The following COASY variants were observed in gnomAD, a reference collection of about 807,000 sequenced individuals.
COASY encodes the protein Coenzyme A synthase, also known as bifunctional coenzyme A synthase.
In COASY, 31 loss-of-function variants were observed where a neutral mutation model predicts 49.4. That is an observed-to-expected ratio of 0.63 (90% confidence interval 0.47 to 0.85). COASY has a LOEUF of 0.85. Among genes scored for constraint, COASY ranks in the 40% least tolerant of loss-of-function variants. COASY has a pLI of 0.00. For synonymous variants in COASY, 285 were observed against 310.9 expected, an observed-to-expected ratio of 0.92 and a Z score of 0.88; for missense variants, 730 against 734.1, an observed-to-expected ratio of 0.99 and a Z score of 0.06.
At chr17:42,565,883 C>T (rs1289888657) in intron 8 of COASY, 23 bp from the exon 9 acceptor site, 1 of 1,613,890 alleles carries the variant, frequency 6.2e-7, no homozygotes, top group Non-Finnish European at 8.5e-7. Flanking sequence ...TCTCTTCCTC[C>T]CAACATCCTG....
Position 42,562,939 on chromosome 17 carries a change from A to C in COASY, c.317A>C (p.Asn106Thr). ...FLPPLPTSVQ[N>T]LAHPPEVVLT... is the part of the protein sequence containing the mutation. The stretch of plus-strand genomic sequence containing the variant: ...CCTCCCCTGCCCACCTCAGTCCAGA[A>C]TCTCGCCCACCCGCCAGAAGTCGTG... The change falls in exon 1 of 9, where the codon AAT (asparagine) becomes ACT (threonine). Residue 106 changes from asparagine (N) to threonine (T), a missense_variant. Coordinates refer to ENST00000393818, the MANE Select transcript of COASY (RefSeq NM_025233.7). The C allele has an allele frequency of 6.2e-7, 1 of 1,613,624 alleles. No homozygotes were observed.
At chr17:42,564,411 C>T (rs748740886) in intron 2 of COASY, 35 bp from the exon 3 acceptor site, 2 of 1,613,756 alleles carry the variant, frequency 1.2e-6, no homozygotes, top group African/African-American at 1.3e-5. Flanking sequence ...CTCACTCCCT[C>T]CTTCCCTCTT....
intron 7 of COASY, 40 bp downstream of exon 7, chr17:42,565,608 C>G (rs1036598400): frequency 6.2e-7 from 1 of 1,613,926 alleles, no homozygotes; most frequent in Non-Finnish European, 8.5e-7. Flanking sequence ...TACTGCAGAT[C>G]CTATCCTGTG....
At position 42,565,654 on chromosome 17, in the gene COASY, C is replaced by G. The variant is rs74886553; in HGVS notation, c.1486-5C>G. 0.055 allele frequency: 89,489 copies of G among 1,614,024 alleles called. 2,875 individuals are homozygous for G. The highest frequency in any genetic ancestry group is 0.063 in the Non-Finnish European group (73,948 of 1,179,922). On this transcript the variant is annotated splice_polypyrimidine_tract_variant and splice_region_variant and intron_variant, in intron 7 of 8. Coordinates refer to ENST00000393818, the MANE Select transcript of COASY (RefSeq NM_025233.7). ...CTTCCTGACAAATGTCTCGTCTGTG[C>G]TCAGGCTGTAAGACGCATTGTGGAG... is the stretch of plus-strand genomic sequence containing the variant.
intron 3 of COASY, 28 bp from the exon 4 acceptor site, chr17:42,564,681 C>T: frequency 6.5e-7 from 1 of 1,528,160 alleles, no homozygotes; most frequent in Non-Finnish European, 8.8e-7. Flanking sequence ...GCCCCAGTAA[C>T]TGTGGGTTCC....
Position 42,565,244 on chromosome 17 carries a change from C to G in COASY, c.1320C>G (p.Leu440=), listed in dbSNP as rs762035640. The G allele has an allele frequency of 3.0e-5, 49 of 1,613,984 alleles. No homozygotes were observed. Among genetic ancestry groups the G allele is most frequent in the Non-Finnish European group, 4.0e-5 (47 of 1,180,020 alleles). The part of the protein sequence containing the change: ...VFGNKKQLKI[L]TDIMWPIIAK... ...CTCCCCAGAAGCAGCTGAAGATACT[C>G]ACGGACATTATGTGGCCAATTATCG... The change falls in exon 6 of 9, where the codon CTC becomes CTG. Residue 440 remains leucine, a synonymous_variant. Transcript: ENST00000393818.
chr17:42,566,123 C>T lies in COASY; in HGVS notation c.*155C>T, dbSNP rs778866431. The T allele has an allele frequency of 6.8e-6, 5 of 738,116 alleles. No individual in the cohort carries two copies. The highest frequency in any genetic ancestry group is 1.8e-5 in the African/African-American group (1 of 56,932). The allele number at this position is 738,116 out of a possible 1,614,324, so 45.7% of individuals were successfully genotyped here. On this transcript the variant is annotated 3_prime_UTR_variant, in exon 9 of 9. Coordinates refer to ENST00000393818, the MANE Select transcript of COASY (RefSeq NM_025233.7). ...AGGCCTGGTGGACACAGGAAGCCTACCCAACACGCTGGTATTTGGCCAACA... is the reference window on the plus strand; with the variant it reads ...AGGCCTGGTGGACACAGGAAGCCTATCCAACACGCTGGTATTTGGCCAACA...
Position 42,564,044 on chromosome 17 carries a change from T to C in COASY, c.784T>C (p.Leu262=). 2 of 1,614,176 alleles carry C rather than the reference T, an allele frequency of 1.2e-6. No homozygotes were observed. Among genetic ancestry groups the C allele is most frequent in the Non-Finnish European group, 1.7e-6 (2 of 1,180,024 alleles). ...ATTCCTGGTGGACATCAAGCCCTCC[T>C]TGACTTTTGATGTCATCCCCCTGCT... ...SEFLVDIKPS[L]TFDVIPLLDP... is the part of the protein sequence containing the mutation. Residue 262 remains leucine (L), a synonymous_variant, in exon 2 of 9, where the codon TTG becomes CTG. Transcript: ENST00000393818.
intron 5 of COASY, 78 bp from the exon 6 acceptor site, chr17:42,565,149 C>G (rs778763584): frequency 3.8e-6 from 6 of 1,587,378 alleles, no homozygotes; most frequent in Non-Finnish European, 5.2e-6. Flanking sequence ...TTCCATTGAT[C>G]TGTTCCCAAC....
At position 42,563,312 on chromosome 17, in the gene COASY, T is replaced by A; in HGVS notation, c.690T>A (p.Asp230Glu). The A allele has an allele frequency of 6.3e-7, 1 of 1,593,370 alleles. No individual in the cohort carries two copies. The highest frequency in any genetic ancestry group is 8.5e-7 in the Non-Finnish European group (1 of 1,172,744). ...TTGTGGTGGGAGTAGCAGACAAAGA[T>A]CTGTTGAAGAGTGAGTAAGAGGGAC... ...EQLVVGVADK[D>E]LLKSKLLPEL... The change falls in exon 1 of 9, where the codon GAT (aspartate) becomes GAA (glutamate). Residue 230 changes from aspartate (D) to glutamate (E), a missense_variant. Transcript: ENST00000393818.
chr17:42,565,107 G>A, intron 5 of COASY, 60 bp downstream of exon 5: 1 of 1,593,630 alleles, frequency 6.3e-7, no homozygotes, highest in Non-Finnish European at 8.6e-7. Flanking sequence ...TCAGGGTCCA[G>A]TGGACCTCTC....
Position 42,562,245 on chromosome 17 carries a change from T to A in COASY, c.-378T>A. On this transcript the variant is annotated 5_prime_UTR_variant, in exon 1 of 9. Transcript: ENST00000393818. ...GTGAGTAGGGGGCCGACGTGAGCTT[T>A]AGCGTCCCCCTTTAGCCTCCCTCTT... 1 of 593,588 alleles carries A rather than the reference T, an allele frequency of 1.7e-6. No individual in the cohort carries two copies. Among genetic ancestry groups the A allele is most frequent in the Non-Finnish European group, 2.9e-6 (1 of 339,010 alleles). The allele number at this position is 593,588 out of a possible 1,614,324, so 36.8% of individuals were successfully genotyped here.
Position 42,562,226 on chromosome 17 carries a change from A to T in COASY, c.-397A>T. The T allele has an allele frequency of 1.8e-6, 1 of 545,154 alleles. No homozygotes were observed. The highest frequency in any genetic ancestry group is 3.2e-5 in the East Asian group (1 of 31,362). 33.8% of individuals were successfully genotyped at this position (545,154 alleles called of 1,614,324 possible). A position where few individuals can be genotyped will look rare whatever the true frequency, so the allele number is the denominator to read the frequency against. The stretch of plus-strand genomic sequence containing the variant: ...CCCAAGCCTTGAGGTTTCAGTGAGT[A>T]GGGGGCCGACGTGAGCTTTAGCGTC... On this transcript the variant is annotated 5_prime_UTR_variant, in exon 1 of 9. Transcript: ENST00000393818.
Position 42,564,966 on chromosome 17 carries a change from C to T in COASY, c.1238-17C>T, listed in dbSNP as rs758659721. On this transcript the variant is annotated splice_polypyrimidine_tract_variant and intron_variant, in intron 4 of 8. Transcript: ENST00000393818. Reference sequence around the variant, plus strand: ...TAGCCAGGCCTCTGTGCTCAGTTGTCTGTCTGTGTTGTCCAGATATTCTCC... The same window carrying T: ...TAGCCAGGCCTCTGTGCTCAGTTGTTTGTCTGTGTTGTCCAGATATTCTCC... 7.4e-6 allele frequency: 12 copies of T among 1,614,152 alleles called. No homozygotes were observed. The highest frequency in any genetic ancestry group is 1.0e-5 in the Non-Finnish European group (12 of 1,180,010).
Position 42,566,180 on chromosome 17 carries a change from CT to C in COASY, c.*213del, listed in dbSNP as rs2093004004. On this transcript the variant is annotated 3_prime_UTR_variant, in exon 9 of 9. Transcript: ENST00000393818. ...ATGTGGTTCATGGGGGAGCAGTCCC[CT>C]CCCCACTCTTGCCCATGGGTGACTC... 1 of 594,454 alleles carries C rather than the reference CT, an allele frequency of 1.7e-6. No individual in the cohort carries two copies. Among genetic ancestry groups the C allele is most frequent in the Non-Finnish European group, 3.0e-6 (1 of 334,132 alleles). 36.8% of individuals were successfully genotyped at this position (594,454 alleles called of 1,614,324 possible). A position where few individuals can be genotyped will look rare whatever the true frequency, so the allele number is the denominator to read the frequency against.
chr17:42,564,836 GT>G lies in COASY; in HGVS notation c.1176del (p.His393IlefsTer34). The G allele has an allele frequency of 6.4e-7, 1 of 1,574,602 alleles. No homozygotes were observed. The highest frequency in any genetic ancestry group is 8.6e-7 in the Non-Finnish European group (1 of 1,162,552). The part of the protein sequence containing the change: ...GAFVIDSDHL[G>X]HRAYAPGGPA... ...TTTGTCATTGACAGTGACCACCTGG[GT>G]CATCGGGCCTATGCCCCAGGTGGCC... On this transcript the variant is annotated frameshift_variant, in exon 4 of 9. Coordinates refer to ENST00000393818, the MANE Select transcript of COASY (RefSeq NM_025233.7). LOFTEE classifies it high-confidence loss of function.
chr17:42,564,741 A>T lies in COASY; in HGVS notation c.1080A>T (p.Val360=). 1 of 1,529,008 alleles carries T rather than the reference A, an allele frequency of 6.5e-7. No homozygotes were observed. The highest frequency in any genetic ancestry group is 1.4e-5 in the African/African-American group (1 of 71,948). The allele number at this position is 1,529,008 out of a possible 1,614,324, so 94.7% of individuals were successfully genotyped here. A position where few individuals can be genotyped will look rare whatever the true frequency, so the allele number is the denominator to read the frequency against. ...ERPELPTCLY[V]IGLTGISGSG... ...CAGAGCTCCCCACATGTCTCTATGT[A>T]ATTGGGCTGACTGGCATCAGTGGCT... Residue 360 remains valine (V), a synonymous_variant, in exon 4 of 9, where the codon GTA becomes GTT. Transcript: ENST00000393818.
chr17:42,565,826 C>T (rs369371425), intron 8 of COASY, 21 bp downstream of exon 8: 34 of 1,613,746 alleles, frequency 2.1e-5, no homozygotes, highest in African/African-American at 1.7e-4. Context: ...AGGGCAAGGC[C>T]GGGTTGTGGG....
Position 42,564,014 on chromosome 17 carries a change from A to C in COASY, c.754A>C (p.Ser252Arg). 6.2e-7 allele frequency: 1 copy of C among 1,614,088 alleles called. No homozygotes were observed. Among genetic ancestry groups the C allele is most frequent in the Non-Finnish European group, 8.5e-7 (1 of 1,179,980 alleles). The change falls in exon 2 of 9, where the codon AGT (serine) becomes CGT (arginine). Residue 252 changes from serine to arginine, a missense_variant. Transcript: ENST00000393818. ...QPYTERVEHL[S>R]EFLVDIKPSL... ...TTATACAGAACGTGTGGAACATCTG[A>C]GTGAATTCCTGGTGGACATCAAGCC...
Sources: allele counts gnomAD v4.1 joint callset, GRCh38; gene constraint gnomAD v4.1.1; transcripts MANE v1.5; gene names NCBI Gene and HGNC (gene_info 2026-07-23, HGNC 2026-07-21).